Variants in DISC1 observed in about 807,000 individuals in gnomAD.
DISC1 encodes DISC1 scaffold protein.
In DISC1, 57 loss-of-function variants were observed where a neutral mutation model predicts 84.5. That is an observed-to-expected ratio of 0.67 (90% CI 0.55 to 0.84). The LOEUF (loss-of-function observed/expected upper bound fraction) is 0.84, where lower values mean the gene tolerates loss of function less well. DISC1 is among the 40% of genes least tolerant of loss of function. DISC1 has a pLI of 0.00. For missense variants in DISC1, 1,000 were observed against 1,057.8 expected (o/e 0.95, Z 0.76); for synonymous variants, 411 against 415.2 (o/e 0.99, Z 0.12).
intron 9 of DISC1, among the ~76,000 whole-genome samples, chr1:231,955,403 C>T (rs1659268608): frequency 6.6e-6 from 1 of 152,108 alleles, no homozygotes; most frequent in African/African-American, 2.4e-5. Context: ...ACCCATTTCA[C>T]TTCTCATTCT....
At chr1:231,908,389 C>T (rs1305315612) in intron 9 of DISC1, among the ~76,000 whole-genome samples, 2 of 152,166 alleles carry the variant, frequency 1.3e-5, no homozygotes, top group African/African-American at 4.8e-5. Flanking sequence ...CAGCTTTCTA[C>T]ATATGGCTAG....
chr1:231,638,015 T>C (rs979439716), intron 1 of DISC1, among the ~76,000 whole-genome samples: 3 of 152,256 alleles, frequency 2.0e-5, no homozygotes, highest in Admixed American at 6.5e-5. Flanking sequence ...ATATCTGTTA[T>C]TTTTTGACTT....
chr1:232,036,814 C>T lies in DISC1; in HGVS notation c.2548C>T (p.His850Tyr). The T allele has an allele frequency of 1.9e-6, 3 of 1,591,718 alleles. No individual in the cohort carries two copies. The highest frequency in any genetic ancestry group is 1.1e-5 in the South Asian group (1 of 87,780). The change falls in exon 13 of 13, where the codon CAC (histidine) becomes TAC (tyrosine). Residue 850 changes from histidine (H) to tyrosine (Y), a missense_variant. Transcript: ENST00000439617. ...AGCTTCCTGCATGACAGCTGGTGTC[C>T]ACGAAGCACAAGCCTGAGGAGTGAC... ...AAASCMTAGV[H>Y]EAQA
At chr1:231,808,568 A>T (rs1027494382) in intron 8 of DISC1, among the ~76,000 whole-genome samples, 15 of 152,212 alleles carry the variant, frequency 9.9e-5, no homozygotes, top group African/African-American at 3.6e-4. Context: ...CAGCTAGCAA[A>T]CCGCCCTAAG....
chr1:231,697,024 G>C (rs896043327), intron 2 of DISC1, among the ~76,000 whole-genome samples: 5 of 152,228 alleles, frequency 3.3e-5, no homozygotes, highest in Non-Finnish European at 7.3e-5. Context: ...GGAAGGCAGA[G>C]TTTGCCTCAA....
chr1:232,029,341 TG>T (rs1669781430), intron 12 of DISC1, among the ~76,000 whole-genome samples: 1 of 152,172 alleles, frequency 6.6e-6, no homozygotes, highest in African/African-American at 2.4e-5. Flanking sequence ...CACTTAAATT[TG>T]AGTGGAACAT....
At chr1:231,909,198 C>T (rs2088965743) in intron 9 of DISC1, among the ~76,000 whole-genome samples, 1 of 111,314 alleles carries the variant, frequency 9.0e-6, no homozygotes, top group Non-Finnish European at 2.2e-5. Context: ...CCAGAAATTC[C>T]AACACTATGC....
intron 8 of DISC1, among the ~76,000 whole-genome samples, chr1:231,801,058 T>C (rs866679066): frequency 6.6e-6 from 1 of 152,148 alleles, no homozygotes; most frequent in South Asian, 2.1e-4. Context: ...TAATTACATG[T>C]ATGTGTTTTA....
chr1:231,772,231 C>T (rs1182465592), intron 6 of DISC1, among the ~76,000 whole-genome samples: 1 of 152,114 alleles, frequency 6.6e-6, no homozygotes, highest in Non-Finnish European at 1.5e-5. Context: ...GCTGGGATTA[C>T]AGGTTTTAGC....
chr1:231,752,073 A>G (rs2074662809), intron 4 of DISC1, among the ~76,000 whole-genome samples: 1 of 152,204 alleles, frequency 6.6e-6, no homozygotes, highest in Non-Finnish European at 1.5e-5. Flanking sequence ...TCTGGCTTGC[A>G]TCTTGGCCCT....
intron 3 of DISC1, among the ~76,000 whole-genome samples, chr1:231,714,644 A>T (rs571623440): frequency 6.6e-6 from 1 of 151,780 alleles, no homozygotes; most frequent in South Asian, 2.1e-4. Flanking sequence ...AGAGAGAAAG[A>T]GATAGAGAAA....
chr1:231,673,313 T>C (rs751919020), intron 1 of DISC1, among the ~76,000 whole-genome samples: 13 of 152,162 alleles, frequency 8.5e-5, no homozygotes, highest in Non-Finnish European at 1.5e-4. Context: ...TATTTCTTTC[T>C]TTTCTTTTCT....
intron 9 of DISC1, among the ~76,000 whole-genome samples, chr1:231,917,476 G>A (rs529233416): frequency 1.4e-4 from 22 of 152,286 alleles, no homozygotes; most frequent in Admixed American, 7.8e-4. Context: ...AGTATCAATG[G>A]CTCCAAATAT....
intron 9 of DISC1, among the ~76,000 whole-genome samples, chr1:231,950,924 G>A (rs1658255171): frequency 6.6e-6 from 1 of 152,204 alleles, no homozygotes; most frequent in African/African-American, 2.4e-5. Context: ...AGGTCTTTGA[G>A]ATGTGCTCCA....
At chr1:231,650,319 T>C (rs953616163) in intron 1 of DISC1, among the ~76,000 whole-genome samples, 12 of 152,208 alleles carry the variant, frequency 7.9e-5, no homozygotes, top group Non-Finnish European at 1.5e-4. Flanking sequence ...CCTTCACTTA[T>C]GAAGCTTAGT....
At chr1:231,801,665 A>G (rs1000241781) in intron 8 of DISC1, among the ~76,000 whole-genome samples, 25 of 152,232 alleles carry the variant, frequency 1.6e-4, no homozygotes, top group Non-Finnish European at 3.4e-4. Context: ...GGCTGTCCCC[A>G]TAGGTGATAC....
chr1:232,012,156 C>T (rs1668074613), intron 11 of DISC1, among the ~76,000 whole-genome samples: 1 of 131,562 alleles, frequency 7.6e-6, no homozygotes, highest in African/African-American at 2.8e-5. Flanking sequence ...ATAATGCTAG[C>T]AACAGCTATT....
chr1:231,740,378 A>G (rs1264103339), intron 3 of DISC1, among the ~76,000 whole-genome samples: 1 of 152,216 alleles, frequency 6.6e-6, no homozygotes, highest in Non-Finnish European at 1.5e-5. Flanking sequence ...GTTAGTGTCA[A>G]AGCCGTTGCC....
At chr1:231,862,712 C>A (rs138486409) in intron 9 of DISC1, among the ~76,000 whole-genome samples, 8 of 152,266 alleles carry the variant, frequency 5.3e-5, no homozygotes, top group African/African-American at 1.7e-4. Flanking sequence ...CAGGAAACAT[C>A]TGGATATCTT....
Sources: gnomAD v4.1 joint callset for allele counts (sites outside exome capture counted in the v4.1 genomes callset) on GRCh38, gnomAD v4.1.1 for gene constraint, MANE v1.5 for transcripts, NCBI Gene and HGNC (gene_info 2026-07-23, HGNC 2026-07-21) for gene names.